Variants in IGSF21 observed in about 807,000 individuals in gnomAD.
IGSF21 encodes immunoglobulin superfamily member 21.
A neutral mutation model predicts 46.8 loss-of-function variants in IGSF21; 28 were observed. The ratio of observed to expected loss-of-function variants is 0.60; its 90% CI spans 0.44 to 0.82. The LOEUF (loss-of-function observed/expected upper bound fraction) is 0.82, where lower values mean the gene tolerates loss of function less well. IGSF21 is among the 40% of genes least tolerant of loss of function. IGSF21 has a pLI of 0.00. For missense variants in IGSF21, 624 were observed against 665.5 expected (o/e 0.94, Z 0.69); for synonymous variants, 284 against 273.6 (o/e 1.04, Z -0.38).
chr1:18,252,056 T>TTTG (rs2084847629), intron 2 of IGSF21, among the ~76,000 whole-genome samples: 1 of 136,266 alleles, frequency 7.3e-6, no homozygotes, highest in Non-Finnish European at 1.6e-5. Context: ...TTTTTTTTTT[T>TTTG]TTTTTTTTTT....
At chr1:18,146,057 C>A (rs2086464334) in intron 1 of IGSF21, among the ~76,000 whole-genome samples, 1 of 152,080 alleles carries the variant, frequency 6.6e-6, no homozygotes, top group Admixed American at 6.6e-5. Context: ...GGGCAAATAC[C>A]TCACCCTCTC....
chr1:18,307,534 C>T (rs993474274), intron 3 of IGSF21, among the ~76,000 whole-genome samples: 3 of 152,232 alleles, frequency 2.0e-5, no homozygotes, highest in Non-Finnish European at 4.4e-5. Context: ...CAAGGTCACA[C>T]AGCAGGCAAG....
intron 3 of IGSF21, among the ~76,000 whole-genome samples, chr1:18,315,275 G>C: frequency 6.6e-6 from 1 of 152,242 alleles, no homozygotes; most frequent in Non-Finnish European, 1.5e-5. Flanking sequence ...TCCTAGGTCA[G>C]CTTTTCCTGA....
chr1:18,241,897 G>A (rs1440349799), intron 2 of IGSF21, among the ~76,000 whole-genome samples: 1 of 152,192 alleles, frequency 6.6e-6, no homozygotes, highest in Non-Finnish European at 1.5e-5. Flanking sequence ...GAAGGGGTTT[G>A]TCTGAGTCCC....
chr1:18,309,046 G>C (rs1463454640), intron 3 of IGSF21, among the ~76,000 whole-genome samples: 1 of 151,980 alleles, frequency 6.6e-6, no homozygotes, highest in Non-Finnish European at 1.5e-5. Context: ...AGCTCCACCA[G>C]CTGGGTGAGA....
rs761258071 is a variant in IGSF21, at chr1:18,291,970, G to A, written c.288G>A (p.Val96=). ...MENYRKREDL[V]YQSTVRLPEV... is the part of the protein sequence containing the mutation. ...ACTACCGCAAGCGAGAGGACCTGGTGTACCAGTCCACTGTGAGGTGAGTGC... is the reference window on the plus strand; with the variant it reads ...ACTACCGCAAGCGAGAGGACCTGGTATACCAGTCCACTGTGAGGTGAGTGC... The change falls in exon 3 of 10, where the codon GTG becomes GTA. Residue 96 remains valine (V), a synonymous_variant. Coordinates refer to ENST00000251296, the MANE Select transcript of IGSF21 (RefSeq NM_032880.5). 6.2e-7 allele frequency: 1 copy of A among 1,613,026 alleles called. No homozygotes were observed. The highest frequency in any genetic ancestry group is 8.5e-7 in the Non-Finnish European group (1 of 1,179,466).
chr1:18,212,706 C>T (rs1356147850), intron 1 of IGSF21, among the ~76,000 whole-genome samples: 4 of 152,176 alleles, frequency 2.6e-5, no homozygotes, highest in Non-Finnish European at 5.9e-5. Flanking sequence ...GCTCAACATG[C>T]CCCTGGCCCT....
intron 2 of IGSF21, among the ~76,000 whole-genome samples, chr1:18,228,519 T>C (rs2084592283): frequency 6.6e-6 from 1 of 152,146 alleles, no homozygotes; most frequent in African/African-American, 2.4e-5. Context: ...GATGAGAAGG[T>C]ACCCACCTGC....
chr1:18,248,120 G>A (rs760427529), intron 2 of IGSF21, among the ~76,000 whole-genome samples: 11 of 152,210 alleles, frequency 7.2e-5, no homozygotes, highest in Non-Finnish European at 1.2e-4. Context: ...AAATGTGCAC[G>A]TAACACCACC....
intron 4 of IGSF21, among the ~76,000 whole-genome samples, chr1:18,346,685 C>T (rs927649491): frequency 2.6e-5 from 4 of 152,162 alleles, no homozygotes; most frequent in Non-Finnish European, 4.4e-5. Flanking sequence ...GAAAATGGGC[C>T]GTTGGGGTGG....
At chr1:18,142,199 C>G (rs1056483878) in intron 1 of IGSF21, among the ~76,000 whole-genome samples, 1 of 152,094 alleles carries the variant, frequency 6.6e-6, no homozygotes, top group Non-Finnish European at 1.5e-5. Flanking sequence ...TCTAGCAATC[C>G]GTATCAGGAC....
At chr1:18,296,303 C>T (rs575599695) in intron 3 of IGSF21, among the ~76,000 whole-genome samples, 46 of 152,230 alleles carry the variant, frequency 3.0e-4, no homozygotes, top group Non-Finnish European at 3.2e-4. Context: ...TAGCAAAAGA[C>T]GAATTCACAA....
chr1:18,273,331 A>ATTCATTTCCTTTCCTTTCCT lies in IGSF21; in HGVS notation c.184-18532_184-18531insATTTCCTTTCCTTTCCTTTC, dbSNP rs2085061778. Among the ~76,000 whole-genome samples, 83 of 54,164 alleles carry ATTCATTTCCTTTCCTTTCCT rather than the reference A, an allele frequency of 1.5e-3. 3 individuals are homozygous for ATTCATTTCCTTTCCTTTCCT. The highest frequency in any genetic ancestry group is 3.9e-3 in the African/African-American group (54 of 13,774). 35.5% of individuals were successfully genotyped at this position (54,164 alleles called of 152,430 possible). A position where few individuals can be genotyped will look rare whatever the true frequency, so the allele number is the denominator to read the frequency against. ...ACTGGGATTACAGGCATGAGCCACC[A>ATTCATTTCCTTTCCTTTCCT]TTCCTTTCCTTTCCTTTCCTTTCCT... On this transcript the variant is annotated intron_variant, in intron 2 of 9. Coordinates refer to ENST00000251296, the MANE Select transcript of IGSF21 (RefSeq NM_032880.5).
intron 4 of IGSF21, among the ~76,000 whole-genome samples, chr1:18,340,860 GT>G (rs2085825716): frequency 6.6e-6 from 1 of 151,984 alleles, no homozygotes; most frequent in Admixed American, 6.6e-5. Context: ...CTGTCCCTGT[GT>G]TCAGATTTGC....
At chr1:18,356,657 C>T (rs1008139734) in intron 4 of IGSF21, among the ~76,000 whole-genome samples, 1 of 152,186 alleles carries the variant, frequency 6.6e-6, no homozygotes, top group East Asian at 1.9e-4. Context: ...GCATAGGACA[C>T]ATAAAAAGCT....
rs10686337 is a variant in IGSF21, at chr1:18,108,985, A to AGTGTGTGTGTGTGTGTGTGTGTGTGTGT, written c.70+790_70+817dup. Among the ~76,000 whole-genome samples the AGTGTGTGTGTGTGTGTGTGTGTGTGTGT allele has an allele frequency of 5.1e-4, 65 of 127,888 alleles. 3 individuals are homozygous for AGTGTGTGTGTGTGTGTGTGTGTGTGTGT. Among genetic ancestry groups the AGTGTGTGTGTGTGTGTGTGTGTGTGTGT allele is most frequent in the East Asian group, 2.0e-3 (8 of 4,048 alleles). 83.9% of individuals were successfully genotyped at this position (127,888 alleles called of 152,430 possible). ...GGGGCTGGGGAGTTGTGAGCAGCTCAGTGTGTGTGTGTGTGTGTGTGTGTG... is the reference window on the plus strand; with the variant it reads ...GGGGCTGGGGAGTTGTGAGCAGCTCAGTGTGTGTGTGTGTGTGTGTGTGTGTGTGTGTGTGTGTGTGTGTGTGTGTGTG... On this transcript the variant is annotated intron_variant, in intron 1 of 9. Transcript: ENST00000251296.
intron 1 of IGSF21, among the ~76,000 whole-genome samples, chr1:18,138,606 T>G (rs1170305021): frequency 2.6e-5 from 4 of 152,128 alleles, no homozygotes; most frequent in Non-Finnish European, 5.9e-5. Flanking sequence ...TGACAGGCAG[T>G]GTGGGACATA....
intron 1 of IGSF21, among the ~76,000 whole-genome samples, chr1:18,206,419 C>G (rs2084328494): frequency 6.6e-6 from 1 of 151,994 alleles, no homozygotes; most frequent in African/African-American, 2.4e-5. Flanking sequence ...TGTGGTGGTG[C>G]ATGCCTGTAA....
chr1:18,167,513 C>A (rs1367357938), intron 1 of IGSF21, among the ~76,000 whole-genome samples: 2 of 152,096 alleles, frequency 1.3e-5, no homozygotes, highest in East Asian at 3.9e-4. Flanking sequence ...GTGGTGGTGA[C>A]CCCAGTGAAA....
Sources: allele counts gnomAD v4.1 joint callset (sites outside exome capture counted in the v4.1 genomes callset), GRCh38; gene constraint gnomAD v4.1.1; transcripts MANE v1.5; gene names NCBI Gene and HGNC (gene_info 2026-07-23, HGNC 2026-07-21).